ZNF567: variants seen among roughly 807,000 people sequenced by gnomAD.
The protein encoded by ZNF567 is zinc finger protein 567.
ZNF567 carries 36 observed loss-of-function variants against 53.9 expected under a neutral mutation model. The observed-to-expected ratio is 0.67, with a 90% CI of 0.51 to 0.88. The LOEUF is 0.88. Ranked by LOEUF, ZNF567 falls within the 40% of genes least tolerant of loss-of-function variation. The probability of loss-of-function intolerance (pLI) is 0.00; values close to 1 mark genes in which losing one functional copy is unlikely to be tolerated. For synonymous variants in ZNF567, 224 were observed against 260.4 expected, an observed-to-expected ratio of 0.86 and a Z score of 1.35; for missense variants, 619 against 764.7, an observed-to-expected ratio of 0.81 and a Z score of 2.25.
At chr19:36,685,006 G>A (rs1230420830), upstream of ZNF567, among the ~76,000 whole-genome samples, 7 of 152,170 alleles carry the variant, frequency 4.6e-5, no homozygotes, top group East Asian at 1.4e-3. Context: ...AGGGAGACCC[G>A]GCTGGCCGAG....
At position 36,719,564 on chromosome 19, in the gene ZNF567, C is replaced by G. The variant is rs775503843; in HGVS notation, c.840C>G (p.Pro280=). ...LHQGIHSEEK[P]YQCHQCGNAF... ...AGGGAATTCACTCAGAAGAAAAACCCTATCAATGTCATCAATGTGGAAATG... is the reference window on the plus strand; with the variant it reads ...AGGGAATTCACTCAGAAGAAAAACCGTATCAATGTCATCAATGTGGAAATG... Residue 280 remains proline (P), a synonymous_variant, in exon 6 of 6, where the codon CCC becomes CCG. Transcript: ENST00000682579. 2.2e-5 allele frequency: 36 copies of G among 1,614,056 alleles called. 1 individual carries two copies. In the South Asian group the frequency reaches 3.7e-4, roughly 17 times the overall value.
At chr19:36,672,947 CAA>C in the ZNF567 span, among the ~76,000 whole-genome samples, 1 of 152,154 alleles carries the variant, frequency 6.6e-6, no homozygotes, top group African/African-American at 2.4e-5. Flanking sequence ...GTTACAGAAA[CAA>C]AGACTAATTG....
chr19:36,719,804 G>A lies in ZNF567; in HGVS notation c.1080G>A (p.Thr360=), dbSNP rs749048175. ...TCATTCGTCATCAGAGAACTCACAC[G>A]GGAGAGAAACCATATGAGTGTAATG... is the stretch of plus-strand genomic sequence containing the variant. ...SHLIRHQRTH[T]GEKPYECNDC... Residue 360 remains threonine (T), a synonymous_variant, in exon 6 of 6, where the codon ACG becomes ACA. Transcript: ENST00000682579. 20 of 1,613,658 alleles carry A rather than the reference G, an allele frequency of 1.2e-5. No individual in the cohort carries two copies. Among genetic ancestry groups the A allele is most frequent in the African/African-American group, 1.2e-4 (9 of 74,864 alleles).
chr19:36,701,941 T>C (rs1275830013), intron 3 of ZNF567, among the ~76,000 whole-genome samples: 1 of 151,832 alleles, frequency 6.6e-6, no homozygotes, highest in Non-Finnish European at 1.5e-5. Flanking sequence ...TTAATATTGT[T>C]ATGTGTGAAT....
chr19:36,722,151 A>C (rs2040310436), downstream of ZNF567, among the ~76,000 whole-genome samples: 1 of 152,214 alleles, frequency 6.6e-6, no homozygotes, highest in African/African-American at 2.4e-5. Flanking sequence ...CTGCGAAGAC[A>C]GTGACTTCCA....
chr19:36,712,692 T>C, intron 4 of ZNF567, 89 bp from the exon 5 acceptor site: 1 of 1,399,658 alleles, frequency 7.1e-7, no homozygotes, highest in Non-Finnish European at 1.0e-6. Flanking sequence ...CAAATGGGTG[T>C]CTTAATTTGC....
intron 3 of ZNF567, among the ~76,000 whole-genome samples, chr19:36,705,948 A>G (rs1437380347): frequency 6.6e-6 from 1 of 152,080 alleles, no homozygotes; most frequent in African/African-American, 2.4e-5. Flanking sequence ...TAACTTTCTT[A>G]TGATTGTATG....
intron 3 of ZNF567, among the ~76,000 whole-genome samples, chr19:36,710,942 G>A (rs1455707448): frequency 2.0e-5 from 3 of 151,966 alleles, no homozygotes; most frequent in South Asian, 2.1e-4. Context: ...CTAAGCCCTC[G>A]GTGATCTCTC....
chr19:36,698,284 A>G (rs888250474), intron 3 of ZNF567, among the ~76,000 whole-genome samples: 1 of 151,580 alleles, frequency 6.6e-6, no homozygotes, highest in African/African-American at 2.4e-5. Flanking sequence ...ATAGTATTTC[A>G]TGGTGTATAT....
At chr19:36,716,993 C>CT (rs2040096795) in intron 5 of ZNF567, among the ~76,000 whole-genome samples, 3 of 152,060 alleles carry the variant, frequency 2.0e-5, no homozygotes, top group East Asian at 1.9e-4. Flanking sequence ...GCCCGGCCAG[C>CT]TTTTTTTGTA....
At chr19:36,716,195 A>C (rs980459020) in intron 5 of ZNF567, among the ~76,000 whole-genome samples, 1 of 152,066 alleles carries the variant, frequency 6.6e-6, no homozygotes, top group African/African-American at 2.4e-5. Context: ...GGTCTTTTCA[A>C]CTTTCTCTTG....
intron 3 of ZNF567, among the ~76,000 whole-genome samples, chr19:36,703,425 G>T (rs1270294718): frequency 6.7e-6 from 1 of 149,210 alleles, no homozygotes; most frequent in Non-Finnish European, 1.5e-5. Flanking sequence ...CAGATCTCCA[G>T]CTGCATGCTG....
downstream of ZNF567, among the ~76,000 whole-genome samples, chr19:36,722,856 AAC>A (rs577007555): frequency 3.3e-4 from 51 of 152,272 alleles, no homozygotes; most frequent in East Asian, 2.1e-3. Flanking sequence ...GCACACAGAA[AAC>A]ACACGTGTGT....
chr19:36,688,524 C>T (rs1211169491), intron 1 of ZNF567, among the ~76,000 whole-genome samples: 2 of 151,076 alleles, frequency 1.3e-5, no homozygotes, highest in Non-Finnish European at 3.0e-5. Flanking sequence ...TGGGCCCATG[C>T]GGGCCGGGCG....
At chr19:36,704,701 G>A (rs1418668886) in intron 3 of ZNF567, among the ~76,000 whole-genome samples, 1 of 152,034 alleles carries the variant, frequency 6.6e-6, no homozygotes, top group African/African-American at 2.4e-5. Flanking sequence ...TGATGTCAGG[G>A]TAATGCTATC....
downstream of ZNF567, among the ~76,000 whole-genome samples, chr19:36,725,173 G>T (rs1413256589): frequency 7.0e-6 from 1 of 143,370 alleles, no homozygotes; most frequent in Non-Finnish European, 1.5e-5. Context: ...CTACTTTCAA[G>T]ATTTTTATTT....
At chr19:36,695,484 A>T (rs1423616924) in intron 3 of ZNF567, among the ~76,000 whole-genome samples, 2 of 152,062 alleles carry the variant, frequency 1.3e-5, no homozygotes, top group African/African-American at 4.8e-5. Flanking sequence ...AGTGAAGATT[A>T]CGCTGCTGCA....
At chr19:36,717,185 G>A (rs562553810) in intron 5 of ZNF567, among the ~76,000 whole-genome samples, 16 of 152,150 alleles carry the variant, frequency 1.1e-4, no homozygotes, top group South Asian at 2.1e-4. Flanking sequence ...GATCACTATC[G>A]AGTCTGCATT....
At chr19:36,696,559 T>C (rs958399251) in intron 3 of ZNF567, among the ~76,000 whole-genome samples, 1 of 152,158 alleles carries the variant, frequency 6.6e-6, no homozygotes, top group Non-Finnish European at 1.5e-5. Context: ...CCTACCCACC[T>C]GCCAATACAG....
Sources: gnomAD v4.1 joint callset for allele counts (sites outside exome capture counted in the v4.1 genomes callset) on GRCh38, gnomAD v4.1.1 for gene constraint, MANE v1.5 for transcripts, NCBI Gene and HGNC (gene_info 2026-07-23, HGNC 2026-07-21) for gene names.